The following B3GALT1 variants were observed in gnomAD, a reference collection of about 807,000 sequenced individuals.
B3GALT1 encodes UDP-Gal:betaGlcNAc beta 1,3-galactosyltransferase, polypeptide 1.
In B3GALT1, 10 loss-of-function variants were observed where a neutral mutation model predicts 23.2. The observed-to-expected ratio is 0.43, with a 90% CI of 0.27 to 0.73. The LOEUF (loss-of-function observed/expected upper bound fraction) is 0.73, where lower values mean the gene tolerates loss of function less well. Among genes scored for constraint, B3GALT1 ranks in the 30% least tolerant of loss-of-function variants. The pLI is 0.21. For synonymous variants in B3GALT1, 156 were observed against 141.5 expected (o/e 1.10, Z -0.73); for missense variants, 299 against 405.4 (o/e 0.74, Z 2.25).
chr2:167,377,162 T>C (rs1005669696), intron 1 of B3GALT1, among the ~76,000 whole-genome samples: 1 of 152,122 alleles, frequency 6.6e-6, no homozygotes, highest in Non-Finnish European at 1.5e-5. Context: ...TATCTTGGTA[T>C]TGATTTATAT....
At chr2:167,455,935 A>G (rs573275197) in intron 1 of B3GALT1, among the ~76,000 whole-genome samples, 1 of 152,300 alleles carries the variant, frequency 6.6e-6, no homozygotes, top group Non-Finnish European at 1.5e-5. Context: ...CACATATATA[A>G]TCACCTAATT....
chr2:167,493,548 A>G (rs978689074), intron 2 of B3GALT1, among the ~76,000 whole-genome samples: 2 of 152,212 alleles, frequency 1.3e-5, no homozygotes, highest in Non-Finnish European at 2.9e-5. Flanking sequence ...CTGGTTAAAA[A>G]TTAAACAACT....
At chr2:167,825,445 TGTGTGTGTGTGCGTGCAC>T (rs1212351755) in intron 4 of B3GALT1, among the ~76,000 whole-genome samples, 4 of 146,978 alleles carry the variant, frequency 2.7e-5, no homozygotes, top group South Asian at 2.1e-4. Flanking sequence ...GGGGTGTGTG[TGTGTGTGTGTGCGTGCAC>T]GTGTGTGTGT....
chr2:167,857,592 C>G (rs1346884122), intron 4 of B3GALT1, among the ~76,000 whole-genome samples: 1 of 151,900 alleles, frequency 6.6e-6, no homozygotes, highest in Non-Finnish European at 1.5e-5. Flanking sequence ...TGAATCCAAG[C>G]AATGCTGGAG....
At chr2:167,845,107 T>C (rs150362186) in intron 4 of B3GALT1, among the ~76,000 whole-genome samples, 1 of 151,978 alleles carries the variant, frequency 6.6e-6, no homozygotes, top group African/African-American at 2.4e-5. Flanking sequence ...AAGGAGAGTC[T>C]GAGTTCAGAC....
chr2:167,671,580 A>G (rs1211222137), intron 3 of B3GALT1, among the ~76,000 whole-genome samples: 1 of 152,182 alleles, frequency 6.6e-6, no homozygotes, highest in Non-Finnish European at 1.5e-5. Flanking sequence ...GAAGTCAAAA[A>G]TGACATTTAA....
At chr2:167,806,846 G>T (rs531572403) in intron 3 of B3GALT1, among the ~76,000 whole-genome samples, 2 of 152,288 alleles carry the variant, frequency 1.3e-5, no homozygotes, top group Admixed American at 1.3e-4. Flanking sequence ...AGTTAAGGAG[G>T]ATTCCCTCTT....
chr2:167,525,533 A>G (rs574677795), intron 2 of B3GALT1, among the ~76,000 whole-genome samples: 2 of 152,192 alleles, frequency 1.3e-5, no homozygotes, highest in African/African-American at 4.8e-5. Flanking sequence ...ACTTACGTAT[A>G]TTATATAACT....
intron 2 of B3GALT1, among the ~76,000 whole-genome samples, chr2:167,490,649 A>C (rs1423006112): frequency 1.3e-5 from 2 of 152,188 alleles, no homozygotes; most frequent in Non-Finnish European, 2.9e-5. Context: ...AGCAGAGATG[A>C]CTGGCACTGC....
intron 1 of B3GALT1, among the ~76,000 whole-genome samples, chr2:167,425,150 A>G (rs542256725): frequency 6.6e-6 from 1 of 152,236 alleles, no homozygotes; most frequent in Non-Finnish European, 1.5e-5. Flanking sequence ...GATGATGGGC[A>G]CTTGACAGAG....
chr2:167,437,200 A>G (rs1214153701), intron 1 of B3GALT1, among the ~76,000 whole-genome samples: 1 of 152,176 alleles, frequency 6.6e-6, no homozygotes, highest in Non-Finnish European at 1.5e-5. Context: ...AAGCTCATTT[A>G]GTCTGGTAGG....
At position 167,471,201 on chromosome 2, in the gene B3GALT1, G is replaced by A. The variant is rs1012023520; in HGVS notation, c.-510-18976G>A. ...GAACTCTTATTTCTAAACAAGACCC[G>A]TGAATTAATTAGCAGATAGTAAAAA... On this transcript the variant is annotated intron_variant, in intron 1 of 4. Transcript: ENST00000392690. 6.6e-5 allele frequency among the ~76,000 whole-genome samples: 10 copies of A among 152,086 alleles called. No individual in the cohort carries two copies. In the East Asian group the frequency reaches 9.6e-4, roughly 15 times the overall value.
chr2:167,840,951 C>A (rs1282067079), intron 4 of B3GALT1, among the ~76,000 whole-genome samples: 1 of 146,890 alleles, frequency 6.8e-6, no homozygotes, highest in Non-Finnish European at 1.5e-5. Context: ...CGCATATTCT[C>A]ACTCATAGGT....
Position 167,803,762 on chromosome 2 carries a change from T to C in B3GALT1, c.-351-14910T>C, listed in dbSNP as rs574338622. On this transcript the variant is annotated intron_variant, in intron 3 of 4. Transcript: ENST00000392690. ...TATCCAAAACTCTCCTAAGGAATACTTTTTTTTATATAAAGTACACTCTTA... is the reference window on the plus strand; with the variant it reads ...TATCCAAAACTCTCCTAAGGAATACCTTTTTTTATATAAAGTACACTCTTA... 7.2e-5 allele frequency among the ~76,000 whole-genome samples: 11 copies of C among 152,076 alleles called. No homozygotes were observed. In the South Asian group the frequency reaches 2.3e-3, roughly 32 times the overall value.
rs375531833 is a variant in B3GALT1 at position 167,301,017 on chromosome 2, G to T, written c.-511+7683G>T. Among the ~76,000 whole-genome samples the T allele has an allele frequency of 5.3e-5, 8 of 152,152 alleles. No individual in the cohort carries two copies. In the South Asian group the frequency reaches 1.7e-3, roughly 32 times the overall value. On this transcript the variant is annotated intron_variant, in intron 1 of 4. Transcript: ENST00000392690. Reference sequence around the variant, plus strand: ...TTTAGTGGACTGAAAGCTTCTTGAAGAAAGAGGCTCATATTCATCATTTTA... The same window carrying T: ...TTTAGTGGACTGAAAGCTTCTTGAATAAAGAGGCTCATATTCATCATTTTA...
chr2:167,579,437 T>C (rs1230618254), intron 2 of B3GALT1, among the ~76,000 whole-genome samples: 1 of 145,196 alleles, frequency 6.9e-6, no homozygotes, highest in Non-Finnish European at 1.5e-5. Context: ...TTTGTCTTTT[T>C]TTTTTTTTTT....
At chr2:167,643,396 T>A (rs1685689560) in intron 2 of B3GALT1, among the ~76,000 whole-genome samples, 2 of 152,054 alleles carry the variant, frequency 1.3e-5, no homozygotes. Flanking sequence ...TCCATTGGCA[T>A]TGCTGGCCAG....
At chr2:167,568,852 T>C (rs1684232380) in intron 2 of B3GALT1, among the ~76,000 whole-genome samples, 1 of 151,984 alleles carries the variant, frequency 6.6e-6, no homozygotes, top group Admixed American at 6.6e-5. Context: ...TTGAGGATTT[T>C]TATAGTTTTA....
chr2:167,557,258 A>G (rs1429298579), intron 2 of B3GALT1, among the ~76,000 whole-genome samples: 3 of 152,086 alleles, frequency 2.0e-5, no homozygotes, highest in Non-Finnish European at 4.4e-5. Flanking sequence ...TACTTTTATG[A>G]ATTATAAACA....
Sources: allele counts gnomAD v4.1 joint callset (sites outside exome capture counted in the v4.1 genomes callset), GRCh38; gene constraint gnomAD v4.1.1; transcripts MANE v1.5; gene names NCBI Gene and HGNC (gene_info 2026-07-23, HGNC 2026-07-21).